The following SLC9A3 variants were observed in gnomAD, a reference collection of about 807,000 sequenced individuals.
SLC9A3 encodes solute carrier family 9 member A3, also known as sodium/hydrogen exchanger 3.
In SLC9A3, 37 loss-of-function variants were observed where a neutral mutation model predicts 86.8. That is an observed-to-expected ratio of 0.43 (90% confidence interval 0.33 to 0.56). The LOEUF (loss-of-function observed/expected upper bound fraction) is 0.56. SLC9A3 is among the 20% of genes least tolerant of loss of function. The pLI, the probability that SLC9A3 is intolerant of heterozygous loss-of-function variation, is 0.06. For synonymous variants in SLC9A3, 581 were observed against 528.3 expected, an observed-to-expected ratio of 1.10 and a Z score of -1.37; for missense variants, 1,011 against 1,171.9, an observed-to-expected ratio of 0.86 and a Z score of 2.00.
At chr5:487,948 G>A (rs904334479) in intron 3 of SLC9A3, among the ~76,000 whole-genome samples, 1 of 152,192 alleles carries the variant, frequency 6.6e-6, no homozygotes, top group East Asian at 1.9e-4. Flanking sequence ...GATTACAGGC[G>A]TGAGCCACCG....
intron 1 of SLC9A3, among the ~76,000 whole-genome samples, chr5:517,751 C>T (rs1733774676): frequency 6.6e-6 from 1 of 151,354 alleles, no homozygotes; most frequent in African/African-American, 2.4e-5. Flanking sequence ...ATTCACCCAT[C>T]CATCCATCCA....
chr5:489,775 C>A (rs946510500), intron 2 of SLC9A3, among the ~76,000 whole-genome samples: 28 of 152,268 alleles, frequency 1.8e-4, no homozygotes, highest in South Asian at 2.1e-4. Flanking sequence ...CAGTGATGGC[C>A]CCCATGGATG....
At chr5:520,743 C>T (rs749722533) in intron 1 of SLC9A3, among the ~76,000 whole-genome samples, 5 of 152,032 alleles carry the variant, frequency 3.3e-5, no homozygotes, top group Non-Finnish European at 2.9e-5. Context: ...CTGACACCCC[C>T]GCCTCCCTCT....
intron 3 of SLC9A3, among the ~76,000 whole-genome samples, chr5:487,670 C>T (rs752316552): frequency 1.3e-5 from 2 of 152,200 alleles, no homozygotes; most frequent in African/African-American, 2.4e-5. Flanking sequence ...TTGCTATTCA[C>T]GTATTTATTT....
intron 2 of SLC9A3, among the ~76,000 whole-genome samples, chr5:490,232 G>GC (rs1560959804): frequency 6.6e-6 from 1 of 152,346 alleles, no homozygotes; most frequent in Admixed American, 6.5e-5. Flanking sequence ...GGAGCGGCCT[G>GC]CCCCAGGGGG....
At chr5:520,197 C>T (rs955453406) in intron 1 of SLC9A3, among the ~76,000 whole-genome samples, 2 of 152,220 alleles carry the variant, frequency 1.3e-5, no homozygotes, top group Non-Finnish European at 2.9e-5. Context: ...AGCTCCCACA[C>T]CTCCTGTGCG....
chr5:483,341 G>A lies in SLC9A3; in HGVS notation c.1074C>T (p.Ala358=), dbSNP rs768791416. ...TCCAGGTCCAGATGAACGGGTTCAC[G>A]GCCGAGATACCCAGGAACATGAAGA... The part of the protein sequence containing the change: ...TIIFMFLGIS[A]VNPFIWTWNT... The change falls in exon 6 of 17, where the codon GCC becomes GCT. Residue 358 remains alanine, a synonymous_variant. Transcript: ENST00000264938. The A allele has an allele frequency of 8.9e-6, 14 of 1,566,984 alleles. No homozygotes were observed. In the South Asian group the frequency reaches 9.4e-5, roughly 11 times the overall value.
Position 475,122 on chromosome 5 carries a change from G to A in SLC9A3, c.2262C>T (p.Asn754=), listed in dbSNP as rs1459428127. The A allele has an allele frequency of 6.3e-6, 10 of 1,595,736 alleles. No individual in the cohort carries two copies. In the South Asian group the frequency reaches 8.9e-5, roughly 14 times the overall value. Residue 754 remains asparagine (N), a synonymous_variant, in exon 16 of 17, where the codon AAC becomes AAT. Coordinates refer to ENST00000264938, the MANE Select transcript of SLC9A3 (RefSeq NM_004174.4). ...GGGCCTCGTCCGGAGAAAACACAGGGTTGTCAATTCCTAGGAGAGAGGGCA... is the reference window on the plus strand; with the variant it reads ...GGGCCTCGTCCGGAGAAAACACAGGATTGTCAATTCCTAGGAGAGAGGGCA... ...TASDSPAGID[N]PVFSPDEALD...
rs948370360 is a variant in SLC9A3, at chr5:483,443, C to T, written c.972G>A (p.Lys324=). 5.7e-6 allele frequency: 9 copies of T among 1,586,302 alleles called. No individual in the cohort carries two copies. The highest frequency in any genetic ancestry group is 1.7e-4 in the Middle Eastern group (1 of 6,042). ...FCGICCQKYV[K]ANISEQSATT... is the part of the protein sequence containing the mutation. ...TGGCCGACTGCTCCGAGATGTTGGCCTTCACATACTTCTGACAGCAGATGC... is the reference window on the plus strand; with the variant it reads ...TGGCCGACTGCTCCGAGATGTTGGCTTTCACATACTTCTGACAGCAGATGC... Residue 324 remains lysine, a synonymous_variant, in exon 6 of 17, where the codon AAG becomes AAA. Transcript: ENST00000264938.
At position 524,166 on chromosome 5, in the gene SLC9A3, G is replaced by A; in HGVS notation, c.157C>T (p.Gln53Ter). The A allele has an allele frequency of 6.5e-7, 1 of 1,547,940 alleles. No homozygotes were observed. The highest frequency in any genetic ancestry group is 1.9e-5 in the Admixed American group (1 of 51,844). The change falls in exon 1 of 17, where the codon CAG (glutamine) becomes TAG (stop). Residue 53 changes from glutamine (Q) to a stop codon, truncating the protein, a stop_gained. Coordinates refer to ENST00000264938, the MANE Select transcript of SLC9A3 (RefSeq NM_004174.4). LOFTEE classifies it high-confidence loss of function. ...CAGAGCGCGATGACGTAGGGATCCT[G>A]CACGTGGGCCCACTCGAAGGTGACC... ...QVVTFEWAHV[Q>*]DPYVIALWIL...
At chr5:507,517 G>A (rs1437581645) in intron 1 of SLC9A3, among the ~76,000 whole-genome samples, 2 of 151,404 alleles carry the variant, frequency 1.3e-5, no homozygotes, top group Admixed American at 6.6e-5. Flanking sequence ...CTCCAGCCGC[G>A]GCTTCCCAAA....
intron 12 of SLC9A3, 46 bp from the exon 13 acceptor site, chr5:476,424 A>G (rs1306426037): frequency 9.9e-6 from 16 of 1,608,724 alleles, no homozygotes; most frequent in Admixed American, 6.7e-5. Flanking sequence ...ACCGCCGGAC[A>G]TTCTCGCCCT....
In SLC9A3 at chr5:475,011, A is replaced by C; in HGVS notation, c.2373T>G (p.Ile791Met). The change falls in exon 16 of 17, where the codon ATT becomes ATG. Residue 791 changes from isoleucine to methionine, a missense_variant. Transcript: ENST00000264938. The stretch of plus-strand genomic sequence containing the variant: ...GGCAGAAGGTGCCGGGAGAGTAGGG[A>C]ATCTGCGTGCGGGCCCTCTGCGAGG... ...VVPSQRARTQIPYSPGTFCRL... is the reference protein window; with the variant it reads ...VVPSQRARTQMPYSPGTFCRL... 1 of 1,612,162 alleles carries C rather than the reference A, an allele frequency of 6.2e-7. No individual in the cohort carries two copies. The highest frequency in any genetic ancestry group is 1.1e-5 in the South Asian group (1 of 91,050).
chr5:482,943 C>G (rs1050042365), intron 6 of SLC9A3, among the ~76,000 whole-genome samples, 193 bp from the exon 7 acceptor site: 1 of 151,630 alleles, frequency 6.6e-6, no homozygotes, highest in Non-Finnish European at 1.5e-5. Flanking sequence ...GTCTCCCCCC[C>G]ACGCTCCGTG....
In SLC9A3 at chr5:492,849, C is replaced by A. The variant is rs143491163; in HGVS notation, c.212-778G>T. The stretch of plus-strand genomic sequence containing the variant: ...CCCCTCCGGAGGGGCCCCATGGAGG[C>A]TGTGGCCCCCTCTCCTCGTGCCCCT... On this transcript the variant is annotated intron_variant, in intron 1 of 16. Transcript: ENST00000264938. Among the ~76,000 whole-genome samples, 555 of 152,252 alleles carry A rather than the reference C, an allele frequency of 3.6e-3. 13 individuals are homozygous for A. Among genetic ancestry groups the A allele is most frequent in the Admixed American group, 0.034 (521 of 15,302 alleles).
At chr5:486,264 G>T (rs945175253) in intron 3 of SLC9A3, among the ~76,000 whole-genome samples, 1 of 152,156 alleles carries the variant, frequency 6.6e-6, no homozygotes, top group South Asian at 2.1e-4. Context: ...GGGGCAGTGT[G>T]GGGGCTGGGA....
At chr5:522,791 G>C (rs1733922556) in intron 1 of SLC9A3, among the ~76,000 whole-genome samples, 1 of 151,920 alleles carries the variant, frequency 6.6e-6, no homozygotes, top group South Asian at 2.1e-4. Flanking sequence ...GTTTACACCA[G>C]GGGGGCACTC....
intron 1 of SLC9A3, among the ~76,000 whole-genome samples, chr5:495,196 CT>C (rs1462252852): frequency 6.6e-6 from 1 of 152,112 alleles, no homozygotes; most frequent in African/African-American, 2.4e-5. Flanking sequence ...GGCCCGGGGT[CT>C]TTTTGTTGAG....
rs1259301772 is a variant in SLC9A3 at position 476,189 on chromosome 5, G to C, written c.2067+13C>G. ...CCCCAGCCCCGCCAAGCCTCCTGGT[G>C]ACCCAGCCTTACCCGCTTCTGGGCA... On this transcript the variant is annotated intron_variant, in intron 13 of 16. Coordinates refer to ENST00000264938, the MANE Select transcript of SLC9A3 (RefSeq NM_004174.4). 6 of 1,613,404 alleles carry C rather than the reference G, an allele frequency of 3.7e-6. No homozygotes were observed. The highest frequency in any genetic ancestry group is 1.6e-4 in the Middle Eastern group (1 of 6,062).
Sources: gnomAD v4.1 joint callset for allele counts (sites outside exome capture counted in the v4.1 genomes callset) on GRCh38, gnomAD v4.1.1 for gene constraint, MANE v1.5 for transcripts, NCBI Gene and HGNC (gene_info 2026-07-23, HGNC 2026-07-21) for gene names.